The following CRACD variants were observed in gnomAD, a reference collection of about 807,000 sequenced individuals.
CRACD encodes the protein capping protein inhibiting regulator of actin dynamics.
CRACD carries 56 observed loss-of-function variants against 106.8 expected under a neutral mutation model. The observed-to-expected ratio is 0.52, with a 90% CI of 0.42 to 0.66. The LOEUF (loss-of-function observed/expected upper bound fraction) is 0.66, where lower values mean the gene tolerates loss of function less well. Ranked by LOEUF, CRACD falls within the 30% of genes least tolerant of loss-of-function variation. The pLI, the probability that CRACD is intolerant of heterozygous loss-of-function variation, is 0.00. For synonymous variants in CRACD, 754 were observed against 670.8 expected, an observed-to-expected ratio of 1.12 and a Z score of -1.92; for missense variants, 1,730 against 1,623.2, an observed-to-expected ratio of 1.07 and a Z score of -1.13.
At chr4:56,256,145 T>C (rs112337617) in intron 2 of CRACD, among the ~76,000 whole-genome samples, 2,540 of 152,324 alleles carry the variant, frequency 0.017, 47 homozygotes, top group South Asian at 0.1. Context: ...TCATCTTGAA[T>C]TGTAGCACCC....
At position 56,328,690 on chromosome 4, in the gene CRACD, A is replaced by C. The variant is rs1206280470; in HGVS notation, c.*886A>C. On this transcript the variant is annotated 3_prime_UTR_variant, in exon 11 of 11. Transcript: ENST00000682029. ...GGGCCAGGAATATGTATTCTGGCAA[A>C]AACTCTTCAGGTCAGTTCTGATAGA... 2 of 205,740 alleles carry C rather than the reference A, an allele frequency of 9.7e-6. No individual in the cohort carries two copies. The highest frequency in any genetic ancestry group is 9.9e-6 in the Non-Finnish European group (1 of 100,730). 12.7% of individuals were successfully genotyped at this position (205,740 alleles called of 1,614,324 possible).
intron 1 of CRACD, among the ~76,000 whole-genome samples, chr4:56,095,579 T>C (rs755929876): frequency 6.6e-6 from 1 of 151,994 alleles, no homozygotes; most frequent in East Asian, 1.9e-4. Context: ...TGCTCCAAGG[T>C]GGGCTGCGCC....
At chr4:56,285,781 A>T (rs1034299741) in intron 3 of CRACD, among the ~76,000 whole-genome samples, 7 of 152,108 alleles carry the variant, frequency 4.6e-5, no homozygotes, top group African/African-American at 1.7e-4. Flanking sequence ...TTTAATTCTA[A>T]TGAAAGCCCT....
intron 3 of CRACD, among the ~76,000 whole-genome samples, chr4:56,282,165 C>G (rs1170161681): frequency 6.6e-6 from 1 of 152,052 alleles, no homozygotes; most frequent in Admixed American, 6.6e-5. Flanking sequence ...TTGCAATTGC[C>G]CCTGTTGTCA....
At chr4:56,238,570 A>ATTTT (rs1740137282) in intron 2 of CRACD, among the ~76,000 whole-genome samples, 2 of 152,238 alleles carry the variant, frequency 1.3e-5, no homozygotes, top group African/African-American at 2.4e-5. Flanking sequence ...TTGTAGGAAC[A>ATTTT]TGGAGAGGAT....
rs1057317790 is a variant in CRACD at position 56,316,662 on chromosome 4, T to C, written c.3160T>C (p.Ser1054Pro). 6.2e-7 allele frequency: 1 copy of C among 1,607,398 alleles called. No homozygotes were observed. Among genetic ancestry groups the C allele is most frequent in the Non-Finnish European group, 8.5e-7 (1 of 1,178,510 alleles). Residue 1054 changes from serine to proline, a missense_variant, in exon 8 of 11, where the codon TCT (serine) becomes CCT (proline). Ser to Pro is a moderately conservative substitution (Grantham distance 74). Coordinates refer to ENST00000682029, the MANE Select transcript of CRACD (RefSeq NM_001393381.1). ...PLPATQQEKP[S>P]QTPEAGRKEK... The stretch of plus-strand genomic sequence containing the variant: ...GCCTGCCACTCAGCAAGAGAAACCT[T>C]CTCAAACACCCGAGGCCGGGAGGAA...
chr4:56,169,505 GGTTTT>G (rs1736276359), intron 1 of CRACD, among the ~76,000 whole-genome samples: 1 of 151,938 alleles, frequency 6.6e-6, no homozygotes, highest in African/African-American at 2.4e-5. Context: ...TAAGTGTATT[GGTTTT>G]GTTTTGAGAC....
At chr4:56,111,740 G>A (rs552154343) in intron 1 of CRACD, among the ~76,000 whole-genome samples, 2 of 151,892 alleles carry the variant, frequency 1.3e-5, no homozygotes, top group Non-Finnish European at 2.9e-5. Flanking sequence ...GGCTGGTCTC[G>A]AACTGACCTC....
At chr4:56,289,814 A>G (rs531694131) in intron 3 of CRACD, among the ~76,000 whole-genome samples, 9 of 152,320 alleles carry the variant, frequency 5.9e-5, no homozygotes, top group African/African-American at 2.2e-4. Flanking sequence ...CATTCATATA[A>G]TGTCATTTTC....
chr4:56,281,785 A>G (rs1743051398), intron 3 of CRACD, among the ~76,000 whole-genome samples: 1 of 152,188 alleles, frequency 6.6e-6, no homozygotes, highest in Non-Finnish European at 1.5e-5. Flanking sequence ...AGTGGGCTTT[A>G]GAGGCAAGTT....
intron 3 of CRACD, among the ~76,000 whole-genome samples, chr4:56,283,778 C>T (rs1577854738): frequency 6.6e-6 from 1 of 152,190 alleles, no homozygotes; most frequent in East Asian, 1.9e-4. Flanking sequence ...ACTTCTAGTA[C>T]ATTTTCTTTA....
At chr4:56,233,413 A>G (rs902790594) in intron 2 of CRACD, among the ~76,000 whole-genome samples, 2 of 151,876 alleles carry the variant, frequency 1.3e-5, no homozygotes, top group Non-Finnish European at 2.9e-5. Context: ...AGGAATATAC[A>G]GTTTTTTTTT....
At chr4:56,135,044 G>C (rs1434851703) in intron 1 of CRACD, among the ~76,000 whole-genome samples, 1 of 152,108 alleles carries the variant, frequency 6.6e-6, no homozygotes, top group East Asian at 1.9e-4. Context: ...AGCTCTTTGG[G>C]AGCCCGAGGC....
At chr4:56,085,558 T>C (rs536308491) in intron 1 of CRACD, among the ~76,000 whole-genome samples, 2 of 152,220 alleles carry the variant, frequency 1.3e-5, no homozygotes, top group South Asian at 2.1e-4. Context: ...TTTCCTGTAA[T>C]GGGCCAGATA....
intron 2 of CRACD, among the ~76,000 whole-genome samples, chr4:56,202,548 C>G (rs531170512): frequency 6.6e-6 from 1 of 152,228 alleles, no homozygotes. Flanking sequence ...CGCCCAGCAT[C>G]AGCAACATTC....
At chr4:56,309,126 T>C (rs999030540) in intron 5 of CRACD, 21 of 404,948 alleles carry the variant, frequency 5.2e-5, no homozygotes, top group African/African-American at 2.3e-4. Flanking sequence ...AACTTGGTGG[T>C]GGAGAGGTCT....
intron 3 of CRACD, among the ~76,000 whole-genome samples, chr4:56,279,768 T>C (rs1742912561): frequency 6.6e-6 from 1 of 152,120 alleles, no homozygotes; most frequent in Admixed American, 6.5e-5. Flanking sequence ...TAGAATACCA[T>C]TTGACCCAGC....
At chr4:56,322,487 A>G (rs1306062293) in intron 8 of CRACD, among the ~76,000 whole-genome samples, 1 of 152,186 alleles carries the variant, frequency 6.6e-6, no homozygotes, top group Non-Finnish European at 1.5e-5. Context: ...CAGAAGGCCT[A>G]TGTTCTAGCT....
Position 56,328,881 on chromosome 4 carries a change from T to C in CRACD, c.*1077T>C, listed in dbSNP as rs1369647147. Among the ~76,000 whole-genome samples the C allele has an allele frequency of 6.6e-6, 1 of 152,200 alleles. No homozygotes were observed. The highest frequency in any genetic ancestry group is 1.5e-5 in the Non-Finnish European group (1 of 68,026). On this transcript the variant is annotated 3_prime_UTR_variant, in exon 11 of 11. Coordinates refer to ENST00000682029, the MANE Select transcript of CRACD (RefSeq NM_001393381.1). ...TACAAGAAGCAACAGGTTATTGACA[T>C]TACATGTTTGAAAATTCCCTTTGGT...
Sources: allele counts gnomAD v4.1 joint callset (sites outside exome capture counted in the v4.1 genomes callset), GRCh38; gene constraint gnomAD v4.1.1; transcripts MANE v1.5; gene names NCBI Gene and HGNC (gene_info 2026-07-23, HGNC 2026-07-21).